Variants in PCDHGA10 observed in about 807,000 individuals in gnomAD.
The protein encoded by PCDHGA10 is protocadherin gamma-A10.
A neutral mutation model predicts 59.5 loss-of-function variants in PCDHGA10; 42 were observed. The ratio of observed to expected loss-of-function variants is 0.71; its 90% CI spans 0.55 to 0.91. The LOEUF is 0.91. Among genes scored for constraint, PCDHGA10 ranks in the 40% least tolerant of loss-of-function variants. The probability of loss-of-function intolerance (pLI) is 0.00; values close to 1 mark genes in which losing one functional copy is unlikely to be tolerated. For missense variants in PCDHGA10, 1,111 were observed against 1,198.2 expected (o/e 0.93, Z 1.07); for synonymous variants, 511 against 517.2 (o/e 0.99, Z 0.16).
chr5:141,471,214 A>C (rs757487718), intron 1 of PCDHGA10: 2 of 149,606 alleles, frequency 1.3e-5, no homozygotes, highest in Non-Finnish European at 3.0e-5. Context: ...CATGCCTGGC[A>C]ATTTTTTTGT....
chr5:141,424,100 G>A (rs1362239131), intron 1 of PCDHGA10: 1 of 832,456 alleles, frequency 1.2e-6, no homozygotes, highest in East Asian at 1.2e-4. Flanking sequence ...TGCTATTACT[G>A]CTAATGTTCA....
At position 141,487,939 on chromosome 5, in the gene PCDHGA10, C is replaced by A; in HGVS notation, c.2437-6868C>A. ...AGGCTACAGTGCACAGGGTACAGTG[C>A]ACCAGGCAGTCACTTGGACAAAGGT... On this transcript the variant is annotated intron_variant, in intron 1 of 3. Coordinates refer to ENST00000398610, the MANE Select transcript of PCDHGA10 (RefSeq NM_018913.3). The surrounding 1 kb of genome is among the most constrained non-coding windows in gnomAD (Gnocchi z 5.0). The A allele has an allele frequency of 1.7e-6, 1 of 600,512 alleles. No individual in the cohort carries two copies. Among genetic ancestry groups the A allele is most frequent in the Non-Finnish European group, 2.9e-6 (1 of 343,042 alleles). The allele number at this position is 600,512 out of a possible 1,614,324, so 37.2% of individuals were successfully genotyped here.
chr5:141,460,681 A>G (rs2098995379), intron 1 of PCDHGA10, among the ~76,000 whole-genome samples: 1 of 152,134 alleles, frequency 6.6e-6, no homozygotes, highest in African/African-American at 2.4e-5. Context: ...ATATATCTAT[A>G]TATCCACCAA....
Position 141,490,532 on chromosome 5 carries a change from C to T in PCDHGA10, c.2437-4275C>T. Reference sequence around the variant, plus strand: ...GAGCTGCTGGCCAGCGATGCTGGTTCACCTTCCCTACACAAACATCTCACC... The same window carrying T: ...GAGCTGCTGGCCAGCGATGCTGGTTTACCTTCCCTACACAAACATCTCACC... On this transcript the variant is annotated intron_variant, in intron 1 of 3. Coordinates refer to ENST00000398610, the MANE Select transcript of PCDHGA10 (RefSeq NM_018913.3). This position sits in a 1 kb window ranked among gnomAD's most constrained non-coding sequence, Gnocchi z 5.4. 6.2e-7 allele frequency: 1 copy of T among 1,614,142 alleles called. No homozygotes were observed. Among genetic ancestry groups the T allele is most frequent in the Non-Finnish European group, 8.5e-7 (1 of 1,180,030 alleles).
chr5:141,508,269 C>G (rs1459186158), intron 3 of PCDHGA10: 1 of 152,186 alleles, frequency 6.6e-6, no homozygotes, highest in Non-Finnish European at 1.5e-5. Flanking sequence ...GAGAAAATCC[C>G]GGTCCTTGAC....
At chr5:141,500,809 A>G (rs1018522111) in intron 2 of PCDHGA10, among the ~76,000 whole-genome samples, 1 of 152,324 alleles carries the variant, frequency 6.6e-6, no homozygotes, top group African/African-American at 2.4e-5. Context: ...CCTCATATGA[A>G]TATACATATT....
At chr5:141,415,810 T>TATATATC in intron 1 of PCDHGA10, 199 bp downstream of exon 1, 1 of 1,360,418 alleles carries the variant, frequency 7.4e-7, no homozygotes, top group Non-Finnish European at 9.5e-7. Flanking sequence ...AATCAAGGCC[T>TATATATC]ATATATCATA....
At chr5:141,417,345 A>G (rs937116752) in intron 1 of PCDHGA10, 3 of 153,022 alleles carry the variant, frequency 2.0e-5, no homozygotes, top group African/African-American at 7.2e-5. Flanking sequence ...GAGACCTATA[A>G]ACCTTCATGC....
intron 1 of PCDHGA10, among the ~76,000 whole-genome samples, chr5:141,474,970 A>C (rs1309289477): frequency 6.6e-6 from 1 of 152,212 alleles, no homozygotes; most frequent in Admixed American, 6.5e-5. Context: ...TAATCATTAT[A>C]ATTTTGTTTG....
Position 141,511,656 on chromosome 5 carries a change from C to T in PCDHGA10, c.*483C>T, listed in dbSNP as rs2099883892. On this transcript the variant is annotated 3_prime_UTR_variant, in exon 4 of 4. Transcript: ENST00000398610. ...GGGCATCATGACCTCTTGGCCTCTC[C>T]TTTGATTCTCAATCTTCCCCCAAAG... is the stretch of plus-strand genomic sequence containing the variant. 4.9e-6 allele frequency: 1 copy of T among 206,024 alleles called. No individual in the cohort carries two copies. The highest frequency in any genetic ancestry group is 5.2e-5 in the Admixed American group (1 of 19,114). 12.8% of individuals were successfully genotyped at this position (206,024 alleles called of 1,614,324 possible).
intron 1 of PCDHGA10, chr5:141,424,079 C>A: frequency 3.1e-6 from 3 of 973,190 alleles, no homozygotes; most frequent in African/African-American, 1.8e-5. Context: ...TAGTTATATT[C>A]CACCATTATT....
intron 1 of PCDHGA10, chr5:141,421,734 G>T: frequency 6.2e-7 from 1 of 1,613,948 alleles, no homozygotes; most frequent in Non-Finnish European, 8.5e-7. Flanking sequence ...ACTCCCTCCA[G>T]AGCTACCAGC....
At chr5:141,428,147 G>T (rs771536400) in intron 1 of PCDHGA10, 1 of 1,589,612 alleles carries the variant, frequency 6.3e-7, no homozygotes, top group South Asian at 1.1e-5. Flanking sequence ...GGCTGCACAC[G>T]GGAACCTGCT....
At chr5:141,419,239 C>A in intron 1 of PCDHGA10, 3 of 1,614,008 alleles carry the variant, frequency 1.9e-6, no homozygotes, top group Non-Finnish European at 2.5e-6. Flanking sequence ...ACCTGGTCCA[C>A]GTGCCAGAAA....
Position 141,485,063 on chromosome 5 carries a change from A to C in PCDHGA10, c.2437-9744A>C. On this transcript the variant is annotated intron_variant, in intron 1 of 3. Transcript: ENST00000398610. This position sits in a 1 kb window ranked among gnomAD's most constrained non-coding sequence, Gnocchi z 5.7. ...CTTGCGGCGCCGGCCGAACCGCGCC[A>C]GAGCTGGCGCGGGGAAAGGGAGATA... is the stretch of plus-strand genomic sequence containing the variant. 2 of 874,986 alleles carry C rather than the reference A, an allele frequency of 2.3e-6. No individual in the cohort carries two copies. Among genetic ancestry groups the C allele is most frequent in the Non-Finnish European group, 3.6e-6 (2 of 551,278 alleles). 54.2% of individuals were successfully genotyped at this position (874,986 alleles called of 1,614,324 possible).
intron 1 of PCDHGA10, among the ~76,000 whole-genome samples, chr5:141,481,743 G>C (rs1257734207): frequency 1.3e-5 from 2 of 152,096 alleles, no homozygotes; most frequent in Non-Finnish European, 2.9e-5. Context: ...CACGAGGTCA[G>C]GAGTCCAAGA....
intron 1 of PCDHGA10, among the ~76,000 whole-genome samples, chr5:141,425,585 A>G (rs1270579511): frequency 6.6e-6 from 1 of 152,252 alleles, no homozygotes; most frequent in African/African-American, 2.4e-5. Flanking sequence ...GGCTAACTTT[A>G]TTCTGAATAT....
intron 1 of PCDHGA10, among the ~76,000 whole-genome samples, chr5:141,470,591 G>A (rs1271473509): frequency 1.3e-5 from 2 of 152,132 alleles, no homozygotes; most frequent in African/African-American, 4.8e-5. Flanking sequence ...ATAGGCAGGC[G>A]ACCTGTGCGG....
chr5:141,491,507 C>A lies in PCDHGA10; in HGVS notation c.2437-3300C>A, dbSNP rs755899622. 1.9e-6 allele frequency: 3 copies of A among 1,614,038 alleles called. No individual in the cohort carries two copies. The highest frequency in any genetic ancestry group is 1.6e-4 in the Middle Eastern group (1 of 6,062). Reference sequence around the variant, plus strand: ...AACCTGCAGGTGAGCTCGGACGGCACGCTCAAGTACATGGAGGTGACGCTG... The same window carrying A: ...AACCTGCAGGTGAGCTCGGACGGCAAGCTCAAGTACATGGAGGTGACGCTG... On this transcript the variant is annotated intron_variant, in intron 1 of 3. Transcript: ENST00000398610. The surrounding 1 kb of genome is among the most constrained non-coding windows in gnomAD (Gnocchi z 6.9).
Sources: allele counts gnomAD v4.1 joint callset (sites outside exome capture counted in the v4.1 genomes callset), GRCh38; gene constraint gnomAD v4.1.1; non-coding constraint Gnocchi (gnomAD v3.1); transcripts MANE v1.5; gene names NCBI Gene and HGNC (gene_info 2026-07-23, HGNC 2026-07-21).